DPP6: variants seen among roughly 807,000 people sequenced by gnomAD.
DPP6 encodes dipeptidyl peptidase like 6, also known as A-type potassium channel modulatory protein DPP6.
DPP6 carries 69 observed loss-of-function variants against 122.6 expected under a neutral mutation model. That is an observed-to-expected ratio of 0.56 (90% CI 0.46 to 0.69). The LOEUF (loss-of-function observed/expected upper bound fraction) is 0.69, where lower values mean the gene tolerates loss of function less well. Ranked by LOEUF, DPP6 falls within the 30% of genes least tolerant of loss-of-function variation. The pLI is 0.00. For missense variants in DPP6, 928 were observed against 1,116.9 expected (o/e 0.83, Z 2.41); for synonymous variants, 418 against 433.1 (o/e 0.97, Z 0.43).
intron 1 of DPP6, among the ~76,000 whole-genome samples, chr7:154,114,111 G>A (rs1806805400): frequency 6.6e-6 from 1 of 151,616 alleles, no homozygotes. Context: ...CAAGAGTTGA[G>A]CTCCTAGAAA....
intron 1 of DPP6, among the ~76,000 whole-genome samples, chr7:154,224,329 TA>T (rs896911911): frequency 1.3e-5 from 2 of 148,314 alleles, no homozygotes; most frequent in Non-Finnish European, 3.0e-5. Context: ...CTCAAAAATA[TA>T]AAAAAATCAA....
At chr7:154,166,671 G>T (rs1260766088) in intron 1 of DPP6, among the ~76,000 whole-genome samples, 8 of 142,004 alleles carry the variant, frequency 5.6e-5, no homozygotes, top group Non-Finnish European at 8.9e-5. Context: ...GGCAATTTGG[G>T]AGGCTGAGGC....
chr7:154,430,898 TCG>T (rs1354312155), intron 1 of DPP6, among the ~76,000 whole-genome samples: 2 of 91,994 alleles, frequency 2.2e-5, no homozygotes, highest in Non-Finnish European at 5.8e-5. Flanking sequence ...AATGTTTCTT[TCG>T]TTAAGTTAAG....
chr7:153,808,616 T>C, the DPP6 span, among the ~76,000 whole-genome samples: 1 of 152,080 alleles, frequency 6.6e-6, no homozygotes, highest in Non-Finnish European at 1.5e-5. Flanking sequence ...TCTATTTCTA[T>C]GAGTCCACCT....
At chr7:153,963,768 G>A (rs985096193) in intron 1 of DPP6, among the ~76,000 whole-genome samples, 2 of 152,122 alleles carry the variant, frequency 1.3e-5, no homozygotes, top group Admixed American at 6.5e-5. Flanking sequence ...GTTTCATCCC[G>A]AAGCCATCCC....
chr7:154,350,320 G>C (rs991304210), intron 1 of DPP6, among the ~76,000 whole-genome samples: 2 of 152,144 alleles, frequency 1.3e-5, no homozygotes, highest in African/African-American at 4.8e-5. Flanking sequence ...GGCCTTGAAG[G>C]GTGGGAGAGT....
At chr7:154,141,527 A>G (rs547821941) in intron 1 of DPP6, among the ~76,000 whole-genome samples, 4 of 152,322 alleles carry the variant, frequency 2.6e-5, no homozygotes, top group South Asian at 2.1e-4. Context: ...AAATCAATCA[A>G]TTAATCAGTT....
At chr7:153,836,269 C>T in the DPP6 span, among the ~76,000 whole-genome samples, 1 of 152,050 alleles carries the variant, frequency 6.6e-6, no homozygotes, top group Non-Finnish European at 1.5e-5. Flanking sequence ...CACAATTTAT[C>T]GCGTTTGGCC....
chr7:154,790,660 G>T (rs1054193536), intron 10 of DPP6, among the ~76,000 whole-genome samples: 10 of 152,076 alleles, frequency 6.6e-5, no homozygotes, highest in African/African-American at 2.4e-4. Context: ...GGCTTTCTCA[G>T]GCCTCTGAGG....
At chr7:153,814,888 G>A in the DPP6 span, among the ~76,000 whole-genome samples, 1 of 151,874 alleles carries the variant, frequency 6.6e-6, no homozygotes, top group Non-Finnish European at 1.5e-5. Context: ...TGCAGAAAAG[G>A]CCTTTGACAA....
chr7:153,948,327 G>A (rs1802041866), intron 1 of DPP6, among the ~76,000 whole-genome samples: 1 of 152,192 alleles, frequency 6.6e-6, no homozygotes, highest in South Asian at 2.1e-4. Flanking sequence ...GGAAAATGAA[G>A]CATTGTTATG....
intron 1 of DPP6, among the ~76,000 whole-genome samples, chr7:154,045,378 C>T (rs1799970233): frequency 6.6e-6 from 1 of 152,222 alleles, no homozygotes; most frequent in South Asian, 2.1e-4. Context: ...AAGAAAATTG[C>T]TCTAGTACAT....
intron 1 of DPP6, among the ~76,000 whole-genome samples, chr7:153,892,704 G>C (rs1187176225): frequency 6.6e-6 from 1 of 152,124 alleles, no homozygotes; most frequent in Non-Finnish European, 1.5e-5. Flanking sequence ...TATCAGATTG[G>C]TCACTTGGTA....
chr7:154,884,082 A>ACACACACATGCTCACCCACACATGCT (rs1563324235), intron 21 of DPP6: 3 of 149,890 alleles, frequency 2.0e-5, no homozygotes, highest in Admixed American at 6.6e-5. Flanking sequence ...ACACATGCTC[A>ACACACACATGCTCACCCACACATGCT]CACACACATG....
At chr7:154,650,216 T>C (rs71534138) in intron 6 of DPP6, among the ~76,000 whole-genome samples, 18,635 of 151,944 alleles carry the variant, frequency 0.12, 1,477 homozygotes, top group Non-Finnish European at 0.18. Flanking sequence ...TCCCAGAAAC[T>C]TGGGATGCTG....
At position 154,540,478 on chromosome 7, in the gene DPP6, T is replaced by A. The variant is rs1324874338; in HGVS notation, c.458-54T>A. 3 of 1,122,240 alleles carry A rather than the reference T, an allele frequency of 2.7e-6. No homozygotes were observed. The South Asian group carries it at 4.0e-5, about 15-fold the overall frequency. 69.5% of individuals were successfully genotyped at this position (1,122,240 alleles called of 1,614,324 possible). On this transcript the variant is annotated intron_variant, in intron 3 of 25. Transcript: ENST00000377770. ...CTTTACATAAGCATTCGTCAAAAGT[T>A]GAGGAGAGTTCCTTGATGTTTCATG...
At chr7:154,147,247 C>A (rs1488311852) in intron 1 of DPP6, among the ~76,000 whole-genome samples, 1 of 152,196 alleles carries the variant, frequency 6.6e-6, no homozygotes, top group Non-Finnish European at 1.5e-5. Flanking sequence ...TCACTCCTCT[C>A]TCTGTGACCT....
intron 1 of DPP6, among the ~76,000 whole-genome samples, chr7:153,908,861 C>A (rs992055793): frequency 1.1e-4 from 16 of 152,186 alleles, no homozygotes; most frequent in Non-Finnish European, 1.5e-5. Flanking sequence ...TCAAGCGATT[C>A]TCCTGCCTCA....
chr7:154,307,089 G>GTCT (rs1311969708), intron 1 of DPP6, among the ~76,000 whole-genome samples: 1 of 152,082 alleles, frequency 6.6e-6, no homozygotes, highest in East Asian at 1.9e-4. Flanking sequence ...CTGTTCATAG[G>GTCT]TCTACACCCG....
Sources: allele counts gnomAD v4.1 joint callset (sites outside exome capture counted in the v4.1 genomes callset), GRCh38; gene constraint gnomAD v4.1.1; transcripts MANE v1.5; gene names NCBI Gene and HGNC (gene_info 2026-07-23, HGNC 2026-07-21).